The following BAZ2A variants were observed in gnomAD, a reference collection of about 807,000 sequenced individuals.
BAZ2A encodes bromodomain adjacent to zinc finger domain 2A.
Under a neutral mutation model 199.9 loss-of-function variants are expected in BAZ2A, and 34 were observed. The ratio of observed to expected loss-of-function variants is 0.17; its 90% CI spans 0.13 to 0.23. The LOEUF (loss-of-function observed/expected upper bound fraction) is 0.23, where lower values mean the gene tolerates loss of function less well. Among genes scored for constraint, BAZ2A ranks in the 10% least tolerant of loss-of-function variants. The pLI, the probability that BAZ2A is intolerant of heterozygous loss-of-function variation, is 1.00. For missense variants in BAZ2A, 2,002 were observed against 2,391.1 expected, an observed-to-expected ratio of 0.84 and a Z score of 3.39; for synonymous variants, 857 against 883.9, an observed-to-expected ratio of 0.97 and a Z score of 0.54.
At chr12:56,604,497 A>C in intron 15 of BAZ2A, 88 bp downstream of exon 15, 1 of 1,424,866 alleles carries the variant, frequency 7.0e-7, no homozygotes. Context: ...GTGAACACAC[A>C]TTTCTGAGGA....
In BAZ2A at chr12:56,611,802, G is replaced by A; in HGVS notation, c.1580C>T (p.Thr527Ile). The change falls in exon 6 of 29, where the codon ACT becomes ATT. Residue 527 changes from threonine (T) to isoleucine (I), a missense_variant. Around this residue, in one of 6 missense-constraint regions of BAZ2A, gnomAD observed 641 missense variants for 694.5 expected, o/e 0.92. Transcript: ENST00000549884. Reference sequence around the variant, plus strand: ...ACCAGAAGCAGTGAGTCCTTCTCCAGTGATCTCTTCCACGTCAGCAGTGGT... The same window carrying A: ...ACCAGAAGCAGTGAGTCCTTCTCCAATGATCTCTTCCACGTCAGCAGTGGT... ...LETTADVEEI[T>I]GEGLTASGSG... 6.4e-7 allele frequency: 1 copy of A among 1,551,672 alleles called. No individual in the cohort carries two copies. The highest frequency in any genetic ancestry group is 1.4e-5 in the African/African-American group (1 of 72,928).
intron 20 of BAZ2A, 60 bp from the exon 21 acceptor site, chr12:56,601,462 A>G: frequency 1.3e-6 from 2 of 1,591,864 alleles, no homozygotes; most frequent in Middle Eastern, 1.7e-4. Context: ...GGTTCCCTCA[A>G]CTTCAGGCAG....
At chr12:56,622,261 A>G (rs964752306) in intron 1 of BAZ2A, among the ~76,000 whole-genome samples, 3 of 152,138 alleles carry the variant, frequency 2.0e-5, no homozygotes, top group African/African-American at 4.8e-5. Context: ...AATTGCTTGA[A>G]TCCAGGAGAT....
At chr12:56,633,309 C>G (rs1345259941), upstream of BAZ2A, among the ~76,000 whole-genome samples, 1 of 152,092 alleles carries the variant, frequency 6.6e-6, no homozygotes, top group Non-Finnish European at 1.5e-5. Context: ...CCACCAGATA[C>G]TCCTGGCATC....
intron 18 of BAZ2A, 57 bp downstream of exon 18, chr12:56,603,301 CT>C (rs1950240000): frequency 7.2e-6 from 11 of 1,534,736 alleles, no homozygotes; most frequent in Middle Eastern, 3.5e-4. Flanking sequence ...AAAAAAGAAG[CT>C]GATCAATTCT....
At chr12:56,615,994 C>T (rs539652192) in intron 2 of BAZ2A, among the ~76,000 whole-genome samples, 2 of 152,294 alleles carry the variant, frequency 1.3e-5, no homozygotes, top group South Asian at 4.1e-4. Flanking sequence ...ACCTCTGCCT[C>T]CCTGGTTCAA....
upstream of BAZ2A, among the ~76,000 whole-genome samples, chr12:56,631,138 T>C (rs768815804): frequency 3.9e-5 from 6 of 152,052 alleles, no homozygotes; most frequent in Non-Finnish European, 5.9e-5. Flanking sequence ...AACAGTGTCA[T>C]ATGATGTTAG....
At position 56,597,967 on chromosome 12, in the gene BAZ2A, A is replaced by C. The variant is rs1885997798; in HGVS notation, c.*651T>G. On this transcript the variant is annotated 3_prime_UTR_variant, in exon 29 of 29. Coordinates refer to ENST00000549884, the MANE Select transcript of BAZ2A (RefSeq NM_001300905.2). ...CATTTTTTTTTCCTTTGAAGGGAAA[A>C]GATTTGGGAGAAGAGAAAAGGAGGG... The C allele has an allele frequency of 6.7e-6, 1 of 149,612 alleles. No individual in the cohort carries two copies. Among genetic ancestry groups the C allele is most frequent in the African/African-American group, 2.4e-5 (1 of 40,942 alleles). 9.3% of individuals were successfully genotyped at this position (149,612 alleles called of 1,614,324 possible).
intron 1 of BAZ2A, among the ~76,000 whole-genome samples, chr12:56,617,827 C>A (rs1417368869): frequency 6.6e-6 from 1 of 152,098 alleles, no homozygotes; most frequent in African/African-American, 2.4e-5. Flanking sequence ...CTGTGTAAGC[C>A]CCACTCAGCC....
Position 56,613,026 on chromosome 12 carries a change from G to A in BAZ2A, c.1124C>T (p.Ser375Phe). Residue 375 changes from serine (S) to phenylalanine (F), a missense_variant, in exon 5 of 29, where the codon TCT becomes TTT. This residue lies in a region of BAZ2A where 641 missense variants were observed against 694.5 expected (regional missense o/e 0.92). Transcript: ENST00000549884. ...SPTSPPVLGE[S>F]VLQDNSFDLN... Reference sequence around the variant, plus strand: ...CTACCGTCACTTACCTTGCAGGACAGACTCCCCTAGGACAGGTGGAGAGGT... The same window carrying A: ...CTACCGTCACTTACCTTGCAGGACAAACTCCCCTAGGACAGGTGGAGAGGT... 1 of 1,612,752 alleles carries A rather than the reference G, an allele frequency of 6.2e-7. No homozygotes were observed. The highest frequency in any genetic ancestry group is 8.5e-7 in the Non-Finnish European group (1 of 1,179,110).
upstream of BAZ2A, chr12:56,630,969 A>T: frequency 1.5e-6 from 1 of 666,836 alleles, no homozygotes; most frequent in Non-Finnish European, 1.9e-6. Flanking sequence ...AAAACTAATC[A>T]GCAAAAAGAT....
At chr12:56,605,497 C>T in intron 13 of BAZ2A, 170 bp from the exon 14 acceptor site, 1 of 762,608 alleles carries the variant, frequency 1.3e-6, no homozygotes, top group Non-Finnish European at 2.0e-6. Context: ...TCTCTGCTTA[C>T]TGCAGCCTCG....
rs775053942 is a variant in BAZ2A at position 56,598,132 on chromosome 12, G to A, written c.*486C>T. On this transcript the variant is annotated 3_prime_UTR_variant, in exon 29 of 29. Transcript: ENST00000549884. ...GCAGCATGTCCAGGGCCCGGTGTCC[G>A]GCGCGACACACTTGGGAGTTAAGTC... is the stretch of plus-strand genomic sequence containing the variant. 5.8e-5 allele frequency: 9 copies of A among 155,452 alleles called. No homozygotes were observed. The East Asian group carries it at 1.2e-3, about 20-fold the overall frequency. The allele number at this position is 155,452 out of a possible 1,614,324, so 9.6% of individuals were successfully genotyped here. A position where few individuals can be genotyped will look rare whatever the true frequency, so the allele number is the denominator to read the frequency against.
At chr12:56,632,855 C>T (rs1951351707), upstream of BAZ2A, among the ~76,000 whole-genome samples, 1 of 152,002 alleles carries the variant, frequency 6.6e-6, no homozygotes, top group Admixed American at 6.6e-5. Flanking sequence ...TAGAAGTCAC[C>T]CCATGCTGCA....
At position 56,604,971 on chromosome 12, in the gene BAZ2A, T is replaced by C. The variant is rs1353493800; in HGVS notation, c.2748+102A>G. The C allele has an allele frequency of 1.5e-5, 21 of 1,423,418 alleles. No individual in the cohort carries two copies. The Admixed American group carries it at 2.3e-4, about 15-fold the overall frequency. The allele number at this position is 1,423,418 out of a possible 1,614,324, so 88.2% of individuals were successfully genotyped here. ...AAGAAAAATAAAATAAGGAGAGGAG[T>C]CAGGAAGAAAAAGAAATGGAAAAAT... is the stretch of plus-strand genomic sequence containing the variant. On this transcript the variant is annotated intron_variant, in intron 14 of 28. Coordinates refer to ENST00000549884, the MANE Select transcript of BAZ2A (RefSeq NM_001300905.2).
At position 56,605,324 on chromosome 12, in the gene BAZ2A, G is replaced by A. The variant is rs1373758745; in HGVS notation, c.2497C>T (p.Leu833=). ...EDMCLTDHQP[L]PDFSRVPGLT... is the part of the protein sequence containing the mutation. ...CCAGGGACTCGTGAGAAGTCAGGCA[G>A]GGGCTAGAGAGAGAAAAGTGAGTAG... The change falls in exon 14 of 29, where the codon CTG becomes TTG. Residue 833 remains leucine (L), a synonymous_variant. Coordinates refer to ENST00000549884, the MANE Select transcript of BAZ2A (RefSeq NM_001300905.2). The A allele has an allele frequency of 6.2e-7, 1 of 1,606,698 alleles. No individual in the cohort carries two copies. Among genetic ancestry groups the A allele is most frequent in the Non-Finnish European group, 8.5e-7 (1 of 1,174,458 alleles).
chr12:56,636,053 T>C, intron 1 of BAZ2A: 1 of 1,160,346 alleles, frequency 8.6e-7, no homozygotes, highest in South Asian at 1.4e-5. Context: ...GTGCCCCCCG[T>C]CCCCCAGAGT....
At chr12:56,623,061 C>G (rs1950971075) in intron 1 of BAZ2A, among the ~76,000 whole-genome samples, 1 of 151,954 alleles carries the variant, frequency 6.6e-6, no homozygotes, top group South Asian at 2.1e-4. Flanking sequence ...ACGGTGAAAC[C>G]CTGTCTCTAC....
intron 20 of BAZ2A, 64 bp from the exon 21 acceptor site, chr12:56,601,466 C>A (rs1272865237): frequency 6.3e-7 from 1 of 1,591,050 alleles, no homozygotes; most frequent in Non-Finnish European, 8.6e-7. Context: ...CCCTCAACTT[C>A]AGGCAGCAGC....
Sources: gnomAD v4.1 joint callset for allele counts (sites outside exome capture counted in the v4.1 genomes callset) on GRCh38, gnomAD v4.1.1 for gene constraint, gnomAD v4.1.1 regional missense constraint, MANE v1.5 for transcripts, NCBI Gene and HGNC (gene_info 2026-07-23, HGNC 2026-07-21) for gene names.